The following COL4A4 variants were observed in gnomAD, a reference collection of about 807,000 sequenced individuals.
The protein encoded by COL4A4 is collagen type IV alpha 4 chain.
Under a neutral mutation model 192.9 loss-of-function variants are expected in COL4A4, and 105 were observed. The observed-to-expected ratio is 0.54, with a 90% CI of 0.46 to 0.64. The LOEUF (loss-of-function observed/expected upper bound fraction) is 0.64, where lower values mean the gene tolerates loss of function less well. Among genes scored for constraint, COL4A4 ranks in the 30% least tolerant of loss-of-function variants. COL4A4 has a pLI of 0.00. For synonymous variants in COL4A4, 762 were observed against 769.9 expected (o/e 0.99, Z 0.17); for missense variants, 1,967 against 2,169.3 (o/e 0.91, Z 1.85).
the COL4A4 span, among the ~76,000 whole-genome samples, chr2:226,985,322 T>C: frequency 1.3e-5 from 2 of 152,202 alleles, no homozygotes; most frequent in Non-Finnish European, 2.9e-5. Context: ...ACATAGAAAC[T>C]GCTAGATGCT....
At chr2:227,065,549 C>T (rs1359149933) in intron 25 of COL4A4, among the ~76,000 whole-genome samples, 2 of 152,202 alleles carry the variant, frequency 1.3e-5, no homozygotes, top group African/African-American at 4.8e-5. Flanking sequence ...GGCAGACTGC[C>T]TCCTCAAGTG....
intron 9 of COL4A4, among the ~76,000 whole-genome samples, chr2:227,110,672 C>T (rs944523266): frequency 1.4e-5 from 2 of 142,466 alleles, no homozygotes; most frequent in Non-Finnish European, 3.0e-5. Flanking sequence ...TGAGCCACCT[C>T]ACCCAGTCTT....
At chr2:227,001,118 A>AGAG (rs1491565348), downstream of COL4A4, among the ~76,000 whole-genome samples, 1 of 150,046 alleles carries the variant, frequency 6.7e-6, no homozygotes, top group African/African-American at 2.5e-5. Flanking sequence ...TTTTTGAGAC[A>AGAG]GAGTCTCGCT....
chr2:227,160,883 G>A (rs1475390392), intron 1 of COL4A4, among the ~76,000 whole-genome samples: 1 of 152,184 alleles, frequency 6.6e-6, no homozygotes, highest in Non-Finnish European at 1.5e-5. Context: ...TAATCACTCA[G>A]ATTCTAAAAG....
intron 29 of COL4A4, among the ~76,000 whole-genome samples, chr2:227,057,145 G>A (rs1050546678): frequency 6.6e-6 from 1 of 152,124 alleles, no homozygotes; most frequent in African/African-American, 2.4e-5. Flanking sequence ...TTCCTCAATA[G>A]GAAAAGCAGG....
the COL4A4 span, among the ~76,000 whole-genome samples, chr2:226,976,606 T>G: frequency 1.3e-5 from 2 of 152,148 alleles, no homozygotes; most frequent in East Asian, 3.9e-4. Context: ...TAAGCTCATC[T>G]AGAACACTTA....
chr2:226,982,235 T>G, the COL4A4 span, among the ~76,000 whole-genome samples: 1 of 152,196 alleles, frequency 6.6e-6, no homozygotes, highest in Non-Finnish European at 1.5e-5. Flanking sequence ...TAATTGCAGG[T>G]TTTTCTCAGA....
chr2:226,992,723 G>C, the COL4A4 span, among the ~76,000 whole-genome samples: 2 of 152,206 alleles, frequency 1.3e-5, no homozygotes, highest in African/African-American at 2.4e-5. Context: ...TGAAGAAAAG[G>C]GACACTGGGT....
rs967782866 is a variant in COL4A4, at chr2:227,005,397, T to C, written c.*1928A>G. 11 of 152,184 alleles carry C rather than the reference T, an allele frequency of 7.2e-5. No homozygotes were observed. Among genetic ancestry groups the C allele is most frequent in the East Asian group, 3.9e-4 (2 of 5,194 alleles). The allele number at this position is 152,184 out of a possible 1,614,324, so 9.4% of individuals were successfully genotyped here. A position where few individuals can be genotyped will look rare whatever the true frequency, so the allele number is the denominator to read the frequency against. On this transcript the variant is annotated 3_prime_UTR_variant, in exon 48 of 48. Coordinates refer to ENST00000396625, the MANE Select transcript of COL4A4 (RefSeq NM_000092.5). The stretch of plus-strand genomic sequence containing the variant: ...TTTTAGGAGGGTTGACTTTTGGTAA[T>C]AGATAAAGCTTTTTGGGAAGGAGAA...
intron 41 of COL4A4, 36 bp from the exon 42 acceptor site, chr2:227,028,045 G>T: frequency 7.5e-7 from 1 of 1,337,270 alleles, no homozygotes; most frequent in Non-Finnish European, 1.1e-6. Flanking sequence ...TGAGGGCACT[G>T]GAATGAGACA....
chr2:227,010,569 C>T (rs1963448346), intron 45 of COL4A4, 68 bp from the exon 46 acceptor site: 2 of 1,324,116 alleles, frequency 1.5e-6, no homozygotes, highest in Non-Finnish European at 2.0e-6. Flanking sequence ...TGTTAAGCAC[C>T]TCTGTTCTGG....
chr2:227,033,601 G>A, intron 37 of COL4A4, 120 bp from the exon 38 acceptor site: 1 of 787,384 alleles, frequency 1.3e-6, no homozygotes, highest in Admixed American at 2.0e-5. Flanking sequence ...ACAGCTCTGA[G>A]CGTCTGGACT....
intron 25 of COL4A4, among the ~76,000 whole-genome samples, chr2:227,065,216 G>A (rs769318693): frequency 1.3e-5 from 2 of 152,224 alleles, no homozygotes; most frequent in Non-Finnish European, 2.9e-5. Context: ...ATCACATCCC[G>A]CACCTGGCTC....
intron 4 of COL4A4, among the ~76,000 whole-genome samples, chr2:227,131,632 CAA>C (rs1014284408): frequency 6.6e-6 from 1 of 152,034 alleles, no homozygotes; most frequent in African/African-American, 2.4e-5. Context: ...AATGGCGCCA[CAA>C]AAAAAGATAC....
rs1293587398 is a variant in COL4A4 at position 227,043,271 on chromosome 2, C to A, written c.3290-87G>T. On this transcript the variant is annotated intron_variant, in intron 35 of 47. Coordinates refer to ENST00000396625, the MANE Select transcript of COL4A4 (RefSeq NM_000092.5). ...CAAGTTCAGCCCACCCTATTCTTTT[C>A]TATCCTTACTTTTTTAGTTTTAAAT... 5.5e-6 allele frequency: 6 copies of A among 1,098,954 alleles called. No homozygotes were observed. The African/African-American group carries it at 7.8e-5, about 14-fold the overall frequency. The allele number at this position is 1,098,954 out of a possible 1,614,324, so 68.1% of individuals were successfully genotyped here.
chr2:227,113,316 G>A (rs11686140), intron 8 of COL4A4, among the ~76,000 whole-genome samples: 72,783 of 151,830 alleles, frequency 0.48, 18,181 homozygotes, highest in Non-Finnish European at 0.56. Context: ...TGATCTACAG[G>A]TCATTTTTAT....
At chr2:227,164,332 A>G (rs2065112255), upstream of COL4A4, 2 of 288,146 alleles carry the variant, frequency 6.9e-6, no homozygotes, top group Non-Finnish European at 1.3e-5. The surrounding 1 kb of genome is among the most constrained non-coding windows in gnomAD (Gnocchi z 4.8). Flanking sequence ...CCCACCTCCG[A>G]CCGCACCCCA....
At chr2:227,158,020 A>G (rs1311429620) in intron 1 of COL4A4, among the ~76,000 whole-genome samples, 1 of 152,132 alleles carries the variant, frequency 6.6e-6, no homozygotes, top group East Asian at 1.9e-4. Context: ...ATTAACAAAT[A>G]AAATCCATAT....
downstream of COL4A4, chr2:226,998,588 T>A (rs2149652066): frequency 6.6e-6 from 1 of 152,288 alleles, no homozygotes; most frequent in Non-Finnish European, 1.5e-5. Flanking sequence ...TCTCTTTTTT[T>A]TTCATGGCTG....
Sources: gnomAD v4.1 joint callset for allele counts (sites outside exome capture counted in the v4.1 genomes callset) on GRCh38, gnomAD v4.1.1 for gene constraint, Gnocchi (gnomAD v3.1) non-coding constraint, MANE v1.5 for transcripts, NCBI Gene and HGNC (gene_info 2026-07-23, HGNC 2026-07-21) for gene names.